The following SESTD1 variants were observed in gnomAD, a reference collection of about 807,000 sequenced individuals.
SESTD1 encodes SEC14 and spectrin domain containing 1.
A neutral mutation model predicts 101.7 loss-of-function variants in SESTD1; 43 were observed. That is an observed-to-expected ratio of 0.42 (90% confidence interval 0.33 to 0.55). SESTD1 has a LOEUF of 0.55. SESTD1 is among the 20% of genes least tolerant of loss of function. SESTD1 has a pLI of 0.07. For synonymous variants in SESTD1, 283 were observed against 286.8 expected, an observed-to-expected ratio of 0.99 and a Z score of 0.13; for missense variants, 647 against 815.1, an observed-to-expected ratio of 0.79 and a Z score of 2.51.
chr2:179,223,729 A>G (rs1346373430), intron 1 of SESTD1, among the ~76,000 whole-genome samples: 1 of 152,184 alleles, frequency 6.6e-6, no homozygotes, highest in East Asian at 1.9e-4. Flanking sequence ...ATGACAATAA[A>G]AGACTAAATG....
chr2:179,198,443 C>T (rs1023698708), intron 1 of SESTD1, among the ~76,000 whole-genome samples: 1 of 152,286 alleles, frequency 6.6e-6, no homozygotes, highest in East Asian at 1.9e-4. Context: ...CTCAGCTCTG[C>T]ATCAAGTGGA....
intron 1 of SESTD1, among the ~76,000 whole-genome samples, chr2:179,227,817 C>G (rs888765305): frequency 6.6e-6 from 1 of 152,102 alleles, no homozygotes; most frequent in Non-Finnish European, 1.5e-5. Flanking sequence ...ATGATTAAGG[C>G]TAGCACCAGG....
rs1485052735 is a variant in SESTD1, at chr2:179,105,866, T to A, written c.*4033A>T. ...ACACTTTCCATTATATTCATTACAG[T>A]TCTTGTTTTAGCTGGTATGTTCTTT... On this transcript the variant is annotated 3_prime_UTR_variant, in exon 18 of 18. Coordinates refer to ENST00000428443, the MANE Select transcript of SESTD1 (RefSeq NM_178123.5). The A allele has an allele frequency of 6.6e-6, 1 of 152,136 alleles. No individual in the cohort carries two copies. The highest frequency in any genetic ancestry group is 2.4e-5 in the African/African-American group (1 of 41,434). 9.4% of individuals were successfully genotyped at this position (152,136 alleles called of 1,614,324 possible).
At chr2:179,162,275 A>G (rs927924543) in intron 5 of SESTD1, among the ~76,000 whole-genome samples, 1 of 152,136 alleles carries the variant, frequency 6.6e-6, no homozygotes, top group African/African-American at 2.4e-5. Flanking sequence ...TTTTTAAAAG[A>G]TAGTATTAAA....
chr2:179,179,831 C>T (rs1335972803), intron 3 of SESTD1, among the ~76,000 whole-genome samples: 1 of 152,120 alleles, frequency 6.6e-6, no homozygotes, highest in African/African-American at 2.4e-5. Flanking sequence ...CCTCCCAGCA[C>T]TGTGCTCCTC....
intron 9 of SESTD1, 118 bp downstream of exon 9, chr2:179,143,474 T>C (rs1354372862): frequency 5.4e-6 from 4 of 735,096 alleles, no homozygotes; most frequent in Non-Finnish European, 8.5e-6. Flanking sequence ...AGTTTTAGAA[T>C]CCAGTTTGAT....
intron 6 of SESTD1, among the ~76,000 whole-genome samples, chr2:179,149,604 T>G (rs2045475320): frequency 1.3e-5 from 2 of 152,184 alleles, no homozygotes; most frequent in Admixed American, 1.3e-4. Context: ...GGATAAATAA[T>G]TTTTAAAATT....
At position 179,255,416 on chromosome 2, in the gene SESTD1, T is replaced by C. The variant is rs547480564; in HGVS notation, c.-26+9083A>G. ...ATGATAAGAAAGTGAAACAGCCACA[T>C]TGTTAATATGGAGAAAGGTCCAGTG... On this transcript the variant is annotated intron_variant, in intron 1 of 17. Transcript: ENST00000428443. 3.0e-4 allele frequency among the ~76,000 whole-genome samples: 46 copies of C among 152,344 alleles called. No homozygotes were observed. In the South Asian group the frequency reaches 7.7e-3, roughly 25 times the overall value.
At chr2:179,223,125 G>A (rs1012047993) in intron 1 of SESTD1, among the ~76,000 whole-genome samples, 2 of 151,978 alleles carry the variant, frequency 1.3e-5, no homozygotes, top group East Asian at 1.9e-4. Context: ...GAATGAAAAC[G>A]CTGATATACG....
chr2:179,185,678 ATATT>A (rs1450057759), intron 2 of SESTD1, among the ~76,000 whole-genome samples: 12 of 85,354 alleles, frequency 1.4e-4, no homozygotes, highest in East Asian at 5.0e-4. Flanking sequence ...ATAATATAGC[ATATT>A]ATATATAATA....
intron 4 of SESTD1, chr2:179,174,268 T>A (rs558740698): frequency 2.7e-6 from 1 of 369,334 alleles, no homozygotes; most frequent in East Asian, 7.9e-5. Context: ...ACTTCATATG[T>A]AGAAACTGTT....
At chr2:179,194,813 G>T (rs2046366590) in intron 1 of SESTD1, among the ~76,000 whole-genome samples, 1 of 152,122 alleles carries the variant, frequency 6.6e-6, no homozygotes, top group Non-Finnish European at 1.5e-5. Flanking sequence ...GCTGGCTGAG[G>T]CTATGAGAAA....
At chr2:179,141,725 G>A (rs2045279653) in intron 9 of SESTD1, among the ~76,000 whole-genome samples, 1 of 150,400 alleles carries the variant, frequency 6.6e-6, no homozygotes, top group Non-Finnish European at 1.5e-5. Flanking sequence ...CAAGCAGCTT[G>A]GAAGTGGTAG....
chr2:179,117,937 A>C (rs2044669691), intron 13 of SESTD1, among the ~76,000 whole-genome samples: 1 of 152,188 alleles, frequency 6.6e-6, no homozygotes, highest in South Asian at 2.1e-4. Context: ...GCATCAAACA[A>C]GTTTCAAGGA....
intron 13 of SESTD1, among the ~76,000 whole-genome samples, chr2:179,119,337 CAA>C (rs2044699330): frequency 6.6e-6 from 1 of 152,082 alleles, no homozygotes; most frequent in African/African-American, 2.4e-5. Context: ...GGATAAATCT[CAA>C]GTTTGGTAGC....
chr2:179,138,257 A>G (rs1392237867), intron 9 of SESTD1, among the ~76,000 whole-genome samples: 1 of 152,194 alleles, frequency 6.6e-6, no homozygotes, highest in Non-Finnish European at 1.5e-5. Flanking sequence ...GTGTTTGCCA[A>G]TACATTAACG....
intron 1 of SESTD1, among the ~76,000 whole-genome samples, chr2:179,198,611 G>C (rs2046445077): frequency 6.6e-6 from 1 of 151,656 alleles, no homozygotes; most frequent in African/African-American, 2.4e-5. Context: ...CTATCTCTCA[G>C]ACCACAGTGC....
At chr2:179,161,279 T>A (rs901784177) in intron 5 of SESTD1, among the ~76,000 whole-genome samples, 4 of 152,046 alleles carry the variant, frequency 2.6e-5, no homozygotes, top group African/African-American at 9.7e-5. Flanking sequence ...TTTTCCCACC[T>A]AACAAATGAC....
At position 179,143,774 on chromosome 2, in the gene SESTD1, G is replaced by A; in HGVS notation, c.667C>T (p.Arg223Cys). Residue 223 changes from arginine (R) to cysteine (C), a missense_variant, in exon 9 of 18, where the codon CGT becomes TGT. Coordinates refer to ENST00000428443, the MANE Select transcript of SESTD1 (RefSeq NM_178123.5). ...GHELLSELQQ[R>C]RFNGSDGGVS... ...CCTCCGTCTGAGCCATTAAATCGAC[G>A]CTGCTGTAATTCGGACAACAATTCA... is the stretch of plus-strand genomic sequence containing the variant. The A allele has an allele frequency of 4.3e-6, 7 of 1,613,714 alleles. No individual in the cohort carries two copies. Among genetic ancestry groups the A allele is most frequent in the South Asian group, 1.1e-5 (1 of 91,064 alleles).
Sources: gnomAD v4.1 joint callset for allele counts (sites outside exome capture counted in the v4.1 genomes callset) on GRCh38, gnomAD v4.1.1 for gene constraint, MANE v1.5 for transcripts, NCBI Gene and HGNC (gene_info 2026-07-23, HGNC 2026-07-21) for gene names.